Variants in ATRNL1 observed in about 807,000 individuals in gnomAD.
The protein encoded by ATRNL1 is attractin like 1.
A neutral mutation model predicts 182.7 loss-of-function variants in ATRNL1; 95 were observed. The ratio of observed to expected loss-of-function variants is 0.52; its 90% CI spans 0.44 to 0.62. ATRNL1 has a LOEUF of 0.62. Ranked by LOEUF, ATRNL1 falls within the 20% of genes least tolerant of loss-of-function variation. ATRNL1 has a pLI of 0.00. For synonymous variants in ATRNL1, 576 were observed against 568.3 expected (o/e 1.01, Z -0.19); for missense variants, 1,471 against 1,679.5 (o/e 0.88, Z 2.17).
chr10:115,501,872 T>C (rs1425697767), intron 24 of ATRNL1, among the ~76,000 whole-genome samples: 1 of 152,146 alleles, frequency 6.6e-6, no homozygotes, highest in Non-Finnish European at 1.5e-5. Flanking sequence ...CCCTGTGTCC[T>C]GAAATTTTTT....
At chr10:115,096,569 A>C in intron 1 of ATRNL1, 1 of 800,916 alleles carries the variant, frequency 1.2e-6, no homozygotes, top group South Asian at 1.5e-5. Context: ...ATTAAAAATG[A>C]TTGATCAATC....
At chr10:115,469,043 A>G (rs1156440099) in intron 23 of ATRNL1, 129 bp from the exon 24 acceptor site, 7 of 355,064 alleles carry the variant, frequency 2.0e-5, no homozygotes, top group Non-Finnish European at 2.0e-5. Context: ...ATTTTCCTTC[A>G]TTCAAAATTA....
At chr10:115,122,539 T>C (rs920673753) in intron 3 of ATRNL1, among the ~76,000 whole-genome samples, 1 of 152,048 alleles carries the variant, frequency 6.6e-6, no homozygotes, top group South Asian at 2.1e-4. Context: ...ATATCTGTTA[T>C]ATGTTCTGTC....
At chr10:115,891,833 C>G (rs1212144358) in intron 28 of ATRNL1, among the ~76,000 whole-genome samples, 2 of 152,122 alleles carry the variant, frequency 1.3e-5, no homozygotes, top group Non-Finnish European at 2.9e-5. Context: ...CTTAATAAGA[C>G]TGATTTTTTT....
At chr10:115,431,144 C>A (rs1348523679) in intron 21 of ATRNL1, among the ~76,000 whole-genome samples, 2 of 152,102 alleles carry the variant, frequency 1.3e-5, no homozygotes, top group Non-Finnish European at 2.9e-5. Context: ...CAGTGGCTCA[C>A]GCCTGTAATG....
At position 115,376,910 on chromosome 10, in the gene ATRNL1, A is replaced by AT. The variant is rs562475107; in HGVS notation, c.3176-17743dup. Among the ~76,000 whole-genome samples, 1,329 of 152,010 alleles carry AT rather than the reference A, an allele frequency of 8.7e-3. 24 individuals are homozygous for AT. Among genetic ancestry groups the AT allele is most frequent in the African/African-American group, 0.031 (1,275 of 41,450 alleles). On this transcript the variant is annotated intron_variant, in intron 19 of 28. Transcript: ENST00000355044. ...TGCTTTCTTCATTTTAAAAAGAATC[A>AT]TTTTTTGTTTTTCTAACTGGTTAAT...
chr10:115,180,539 T>C (rs1342695693), intron 8 of ATRNL1, among the ~76,000 whole-genome samples: 1 of 151,968 alleles, frequency 6.6e-6, no homozygotes, highest in Non-Finnish European at 1.5e-5. Flanking sequence ...TTTTGAGACA[T>C]ATCCTGATAA....
intron 27 of ATRNL1, among the ~76,000 whole-genome samples, chr10:115,739,205 T>G (rs782715052): frequency 6.6e-6 from 1 of 152,182 alleles, no homozygotes; most frequent in Non-Finnish European, 1.5e-5. Flanking sequence ...CTGATCAACC[T>G]TATTCATACT....
chr10:115,314,097 A>G (rs1461547364), intron 17 of ATRNL1, among the ~76,000 whole-genome samples: 1 of 152,176 alleles, frequency 6.6e-6, no homozygotes, highest in African/African-American at 2.4e-5. Context: ...AAAATGTAAG[A>G]TTTTAAAGGA....
At position 115,627,340 on chromosome 10, in the gene ATRNL1, A is replaced by G. The variant is rs116622060; in HGVS notation, c.3795+77804A>G. Among the ~76,000 whole-genome samples the G allele has an allele frequency of 7.1e-3, 1,078 of 152,136 alleles. 13 individuals carry two copies. The highest frequency in any genetic ancestry group is 0.025 in the African/African-American group (1,026 of 41,518). ...CTTTCACTTATCTTTACGTTTTTGA[A>G]GTTTATTCAGATTATGTCATGTATT... On this transcript the variant is annotated intron_variant, in intron 26 of 28. Transcript: ENST00000355044.
In ATRNL1 at chr10:115,093,503, G is replaced by C; in HGVS notation, c.-248G>C. On this transcript the variant is annotated 5_prime_UTR_variant, in exon 1 of 29. Transcript: ENST00000355044. This position sits in a 1 kb window ranked among gnomAD's most constrained non-coding sequence, Gnocchi z 6.1. The stretch of plus-strand genomic sequence containing the variant: ...GCCGGGTCCGGGACGCCGCGGCTGT[G>C]GGGTCGGCCCGCTAAGGACAAGGTC... 3.1e-6 allele frequency: 2 copies of C among 649,526 alleles called. No homozygotes were observed. The highest frequency in any genetic ancestry group is 5.6e-6 in the Non-Finnish European group (2 of 357,392). The allele number at this position is 649,526 out of a possible 1,614,324, so 40.2% of individuals were successfully genotyped here.
chr10:115,270,411 T>C (rs1851808309), intron 13 of ATRNL1, among the ~76,000 whole-genome samples: 1 of 143,966 alleles, frequency 6.9e-6, no homozygotes, highest in Admixed American at 7.0e-5. Context: ...TATATATAAA[T>C]ATAATATATA....
intron 18 of ATRNL1, among the ~76,000 whole-genome samples, chr10:115,321,080 T>A (rs1203526317): frequency 6.6e-6 from 1 of 151,986 alleles, no homozygotes; most frequent in Non-Finnish European, 1.5e-5. Context: ...TTGGATAGGG[T>A]TTTTTGTGGG....
chr10:115,336,213 G>T (rs918492884), intron 19 of ATRNL1, among the ~76,000 whole-genome samples: 5 of 152,128 alleles, frequency 3.3e-5, no homozygotes, highest in Admixed American at 2.6e-4. Flanking sequence ...CCTAAACCTC[G>T]CTCTTAACTG....
chr10:115,344,992 C>T (rs1251646538), intron 19 of ATRNL1, among the ~76,000 whole-genome samples: 2 of 152,200 alleles, frequency 1.3e-5, no homozygotes, highest in Non-Finnish European at 2.9e-5. Flanking sequence ...AAGTCCTCTC[C>T]ACTTTTCCCA....
chr10:115,093,881 T>C lies in ATRNL1; in HGVS notation c.131T>C (p.Leu44Pro), dbSNP rs1283497351. Reference protein sequence around the residue: ...SWLLDGNSWLLCYGFLYLALY... With the variant: ...SWLLDGNSWLPCYGFLYLALY... ...CTGCTGGACGGGAACAGCTGGCTGC[T>C]GTGCTATGGCTTCCTCTACCTGGCG... The change falls in exon 1 of 29, where the codon CTG (leucine) becomes CCG (proline). Residue 44 changes from leucine to proline, a missense_variant. Leu to Pro is a moderately conservative substitution (Grantham distance 98, BLOSUM62 -3). This residue lies in a region of ATRNL1 where 1,031 missense variants were observed against 1,156.0 expected (regional missense o/e 0.89). Transcript: ENST00000355044. The surrounding 1 kb of genome is among the most constrained non-coding windows in gnomAD (Gnocchi z 6.1). 3.1e-6 allele frequency: 5 copies of C among 1,588,076 alleles called. No homozygotes were observed. Among genetic ancestry groups the C allele is most frequent in the Non-Finnish European group, 4.3e-6 (5 of 1,169,634 alleles).
At chr10:115,762,321 C>A (rs1009045556) in intron 27 of ATRNL1, among the ~76,000 whole-genome samples, 2 of 152,082 alleles carry the variant, frequency 1.3e-5, no homozygotes, top group African/African-American at 4.8e-5. Context: ...CCTGCCTGGT[C>A]TTTTGGCAGA....
intron 15 of ATRNL1, among the ~76,000 whole-genome samples, chr10:115,296,662 T>C (rs1371313675): frequency 4.6e-5 from 7 of 152,112 alleles, no homozygotes; most frequent in Non-Finnish European, 8.8e-5. Context: ...GATATTGCAA[T>C]ATGGTACTTC....
chr10:115,784,345 A>G (rs1593212549), intron 27 of ATRNL1, among the ~76,000 whole-genome samples: 1 of 152,218 alleles, frequency 6.6e-6, no homozygotes, highest in Non-Finnish European at 1.5e-5. Context: ...ATATTAAGAC[A>G]TAATGTCAAT....
Sources: gnomAD v4.1 joint callset for allele counts (sites outside exome capture counted in the v4.1 genomes callset) on GRCh38, gnomAD v4.1.1 for gene constraint, gnomAD v4.1.1 regional missense constraint, Gnocchi (gnomAD v3.1) non-coding constraint, MANE v1.5 for transcripts, NCBI Gene and HGNC (gene_info 2026-07-23, HGNC 2026-07-21) for gene names.